The following CNTN4 variants were observed in gnomAD, a reference collection of about 807,000 sequenced individuals.
CNTN4 encodes contactin 4, also known as contactin-4.
CNTN4 carries 77 observed loss-of-function variants against 122.5 expected under a neutral mutation model. The observed-to-expected ratio is 0.63, with a 90% CI of 0.52 to 0.76. The LOEUF (loss-of-function observed/expected upper bound fraction) is 0.76. Ranked by LOEUF, CNTN4 falls within the 30% of genes least tolerant of loss-of-function variation. The pLI is 0.00. For missense variants in CNTN4, 1,256 were observed against 1,259.1 expected (o/e 1.00, Z 0.04); for synonymous variants, 512 against 447.0 (o/e 1.15, Z -1.83).
chr3:2,958,680 G>A (rs1157463014), intron 13 of CNTN4, among the ~76,000 whole-genome samples: 1 of 152,116 alleles, frequency 6.6e-6, no homozygotes, highest in African/African-American at 2.4e-5. Context: ...CAAGAATGCA[G>A]GGCAGGCAGA....
intron 2 of CNTN4, among the ~76,000 whole-genome samples, chr3:2,268,140 A>G (rs189706129): frequency 3.9e-5 from 6 of 152,252 alleles, no homozygotes; most frequent in Admixed American, 3.3e-4. Flanking sequence ...TTGTAGCACA[A>G]TTAAATGTGC....
intron 7 of CNTN4, 144 bp from the exon 8 acceptor site, chr3:2,866,608 T>G: frequency 9.0e-7 from 1 of 1,108,674 alleles, no homozygotes; most frequent in South Asian, 1.4e-5. Flanking sequence ...GGGACTGTGA[T>G]TACTTCCTAT....
chr3:2,222,263 C>T (rs149032907), intron 2 of CNTN4, among the ~76,000 whole-genome samples: 104 of 152,234 alleles, frequency 6.8e-4, no homozygotes, highest in African/African-American at 2.4e-3. Context: ...ACCTTGGAAA[C>T]ATTCTGCTAA....
intron 3 of CNTN4, among the ~76,000 whole-genome samples, chr3:2,557,905 T>C (rs955053675): frequency 1.3e-5 from 2 of 152,316 alleles, no homozygotes; most frequent in African/African-American, 4.8e-5. Flanking sequence ...TCACATAATT[T>C]TTCCTATGAC....
intron 4 of CNTN4, among the ~76,000 whole-genome samples, chr3:2,608,999 C>G (rs1260386146): frequency 1.3e-5 from 2 of 152,150 alleles, no homozygotes; most frequent in African/African-American, 4.8e-5. Context: ...GGATAATCAA[C>G]AACAGAAATT....
intron 12 of CNTN4, among the ~76,000 whole-genome samples, chr3:2,904,402 A>C (rs1424498553): frequency 1.3e-5 from 2 of 152,166 alleles, no homozygotes. Flanking sequence ...AATAAAAAGA[A>C]AGAAAAACTT....
In CNTN4 at chr3:3,049,064, A is replaced by G. The variant is rs934227542; in HGVS notation, c.2812-4743A>G. The stretch of plus-strand genomic sequence containing the variant: ...AATACGTCTACTAAGCACTGTTCCA[A>G]TTCATCTTAACTTTATATTTTATTT... On this transcript the variant is annotated intron_variant, in intron 23 of 24. Coordinates refer to ENST00000418658, the MANE Select transcript of CNTN4 (RefSeq NM_175607.3). Among the ~76,000 whole-genome samples the G allele has an allele frequency of 1.6e-4, 25 of 152,094 alleles. 1 individual carries two copies. The highest frequency in any genetic ancestry group is 2.5e-4 in the Non-Finnish European group (17 of 68,000).
chr3:2,880,937 A>G (rs1031941108), intron 8 of CNTN4, among the ~76,000 whole-genome samples: 4 of 152,228 alleles, frequency 2.6e-5, no homozygotes, highest in Non-Finnish European at 5.9e-5. Flanking sequence ...TCCTCTCTTT[A>G]GAAAAATGTG....
intron 2 of CNTN4, among the ~76,000 whole-genome samples, chr3:2,323,560 T>C (rs1293241877): frequency 2.0e-5 from 3 of 152,198 alleles, no homozygotes; most frequent in East Asian, 1.9e-4. Flanking sequence ...CTGTTCTTTT[T>C]TGTAGTCAAG....
intron 2 of CNTN4, among the ~76,000 whole-genome samples, chr3:2,162,889 G>T (rs562161660): frequency 6.6e-6 from 1 of 152,212 alleles, no homozygotes; most frequent in South Asian, 2.1e-4. Context: ...TTGAGTCCAG[G>T]AGTTTGTGAC....
At chr3:2,846,795 G>A (rs1471846873) in intron 7 of CNTN4, among the ~76,000 whole-genome samples, 2 of 152,082 alleles carry the variant, frequency 1.3e-5, no homozygotes, top group Admixed American at 6.6e-5. Flanking sequence ...TTGGGAGTTC[G>A]AGACCACCCT....
At chr3:2,450,395 T>A (rs1030310638) in intron 3 of CNTN4, among the ~76,000 whole-genome samples, 7 of 149,160 alleles carry the variant, frequency 4.7e-5, no homozygotes, top group African/African-American at 1.5e-4. Flanking sequence ...AATAAATAAA[T>A]AAAATAAAAA....
intron 3 of CNTN4, among the ~76,000 whole-genome samples, chr3:2,467,800 G>A (rs908402220): frequency 6.6e-6 from 1 of 152,122 alleles, no homozygotes; most frequent in African/African-American, 2.4e-5. Context: ...ACTTGGCCTT[G>A]CAGTGTCCTG....
At chr3:2,299,567 T>G (rs1341236223) in intron 2 of CNTN4, among the ~76,000 whole-genome samples, 1 of 152,170 alleles carries the variant, frequency 6.6e-6, no homozygotes, top group East Asian at 1.9e-4. Flanking sequence ...TATATTATTT[T>G]TATGCCATAA....
chr3:2,251,671 G>C, intron 2 of CNTN4, among the ~76,000 whole-genome samples: 1 of 151,662 alleles, frequency 6.6e-6, no homozygotes, highest in Non-Finnish European at 1.5e-5. Context: ...TAGTCTCTTA[G>C]GGTGGCATGT....
intron 8 of CNTN4, among the ~76,000 whole-genome samples, chr3:2,870,508 G>A (rs2093772371): frequency 6.6e-6 from 1 of 152,160 alleles, no homozygotes; most frequent in African/African-American, 2.4e-5. Flanking sequence ...GCAAAATAAA[G>A]AGGACATTCT....
At chr3:2,453,377 A>G (rs1438369302) in intron 3 of CNTN4, among the ~76,000 whole-genome samples, 1 of 152,170 alleles carries the variant, frequency 6.6e-6, no homozygotes, top group Non-Finnish European at 1.5e-5. Context: ...CTCAAAAGAC[A>G]ATCAAGAAGG....
chr3:2,672,825 T>C (rs2150392463), intron 4 of CNTN4, among the ~76,000 whole-genome samples: 1 of 152,314 alleles, frequency 6.6e-6, no homozygotes, highest in African/African-American at 2.4e-5. Context: ...TTAACTAGTT[T>C]AGTAATAGTT....
intron 2 of CNTN4, among the ~76,000 whole-genome samples, chr3:2,183,712 G>A (rs2037122860): frequency 6.6e-6 from 1 of 152,008 alleles, no homozygotes. Flanking sequence ...TTTGATATCT[G>A]GACTGTATAT....
Sources: allele counts gnomAD v4.1 joint callset (sites outside exome capture counted in the v4.1 genomes callset), GRCh38; gene constraint gnomAD v4.1.1; transcripts MANE v1.5; gene names NCBI Gene and HGNC (gene_info 2026-07-23, HGNC 2026-07-21).